The following TPGS2 variants were observed in gnomAD, a reference collection of about 807,000 sequenced individuals.
TPGS2 encodes the protein tubulin polyglutamylase complex subunit 2.
In TPGS2, 26 loss-of-function variants were observed where a neutral mutation model predicts 31.1. The observed-to-expected ratio is 0.84, with a 90% CI of 0.61 to 1.16. The LOEUF is 1.16. TPGS2 is among the 50% of genes most tolerant of loss of function. TPGS2 has a pLI of 0.00. For synonymous variants in TPGS2, 130 were observed against 136.6 expected (o/e 0.95, Z 0.34); for missense variants, 351 against 363.8 (o/e 0.96, Z 0.29).
At chr18:36,791,816 G>A (rs112916209), downstream of TPGS2, among the ~76,000 whole-genome samples, 752 of 152,178 alleles carry the variant, frequency 4.9e-3, 8 homozygotes, top group African/African-American at 0.017. Context: ...AGGATTGCTT[G>A]AGCCCAGGAA....
At chr18:36,806,474 C>G (rs116239334) in intron 3 of TPGS2, among the ~76,000 whole-genome samples, 1 of 152,258 alleles carries the variant, frequency 6.6e-6, no homozygotes, top group African/African-American at 2.4e-5. Flanking sequence ...GGTTCTGATG[C>G]TGGTGACAAG....
At chr18:36,791,968 C>T (rs1170436803), downstream of TPGS2, among the ~76,000 whole-genome samples, 1 of 147,414 alleles carries the variant, frequency 6.8e-6, no homozygotes, top group Non-Finnish European at 1.5e-5. Flanking sequence ...GTCAAGGCTG[C>T]AGTGAGCCAT....
At chr18:36,826,404 CTGTGTGTGTGTGTGTGTGTG>C (rs34742069) in intron 1 of TPGS2, among the ~76,000 whole-genome samples, 17,386 of 146,436 alleles carry the variant, frequency 0.12, 1,270 homozygotes, top group East Asian at 0.2. Flanking sequence ...GGTGTATAGG[CTGTGTGTGTGTGTGTGTGTG>C]TGTGTGTGTG....
At chr18:36,822,385 C>T (rs2045933893) in intron 1 of TPGS2, among the ~76,000 whole-genome samples, 1 of 152,174 alleles carries the variant, frequency 6.6e-6, no homozygotes, top group African/African-American at 2.4e-5. Context: ...ATAAATTATA[C>T]TTGGGACTAA....
At chr18:36,797,850 G>A (rs1291799309) in intron 6 of TPGS2, among the ~76,000 whole-genome samples, 1 of 151,876 alleles carries the variant, frequency 6.6e-6, no homozygotes, top group African/African-American at 2.4e-5. Flanking sequence ...ATATAAATGA[G>A]GCACACCCAC....
intron 1 of TPGS2, among the ~76,000 whole-genome samples, chr18:36,826,842 T>C (rs1337841828): frequency 6.6e-6 from 1 of 152,202 alleles, no homozygotes; most frequent in East Asian, 1.9e-4. Flanking sequence ...TTACATATGA[T>C]GTTAGATGTG....
chr18:36,812,220 T>C (rs1298986946), intron 2 of TPGS2, among the ~76,000 whole-genome samples: 1 of 152,194 alleles, frequency 6.6e-6, no homozygotes, highest in Admixed American at 6.5e-5. Context: ...CCTTGGAATC[T>C]CCAAAGTGAC....
chr18:36,802,116 G>C (rs2044846913), intron 4 of TPGS2, among the ~76,000 whole-genome samples: 1 of 152,170 alleles, frequency 6.6e-6, no homozygotes, highest in Non-Finnish European at 1.5e-5. Flanking sequence ...ATCAGTGCTT[G>C]AAAATCACTG....
downstream of TPGS2, among the ~76,000 whole-genome samples, chr18:36,782,625 T>C (rs905890456): frequency 6.6e-6 from 1 of 152,166 alleles, no homozygotes; most frequent in Non-Finnish European, 1.5e-5. Context: ...AGACTGAAGA[T>C]GATGTTTTTG....
At chr18:36,798,967 C>T (rs1036592076) in intron 5 of TPGS2, among the ~76,000 whole-genome samples, 2 of 152,158 alleles carry the variant, frequency 1.3e-5, no homozygotes, top group African/African-American at 2.4e-5. Context: ...TCTCAGCTTT[C>T]CTGAGAGAGA....
Position 36,794,518 on chromosome 18 carries a change from AGG to A in TPGS2, c.*2285_*2286del. On this transcript the variant is annotated 3_prime_UTR_variant, in exon 7 of 7. Coordinates refer to ENST00000334295, the MANE Select transcript of TPGS2 (RefSeq NM_015476.4). ...TCGGGGGATCTCCAAGTACTAAAAA[AGG>A]GGTATCTGCTGCAGTGGAAGATGAC... 1.0e-6 allele frequency: 1 copy of A among 985,440 alleles called. No homozygotes were observed. The highest frequency in any genetic ancestry group is 1.7e-5 in the African/African-American group (1 of 57,348). 61.0% of individuals were successfully genotyped at this position (985,440 alleles called of 1,614,324 possible).
Position 36,796,026 on chromosome 18 carries a change from AAAC to A in TPGS2, c.*776_*778del. The A allele has an allele frequency of 1.0e-6, 1 of 985,500 alleles. No individual in the cohort carries two copies. Among genetic ancestry groups the A allele is most frequent in the Non-Finnish European group, 1.2e-6 (1 of 829,944 alleles). The allele number at this position is 985,500 out of a possible 1,614,324, so 61.0% of individuals were successfully genotyped here. ...AGGAAGATAATTGTGGAACGTGTAC[AAAC>A]ATCATAACACAAAACTGGAAGCAAG... On this transcript the variant is annotated 3_prime_UTR_variant, in exon 7 of 7. Transcript: ENST00000334295.
At chr18:36,813,484 C>A (rs1243617871) in intron 2 of TPGS2, among the ~76,000 whole-genome samples, 1 of 152,184 alleles carries the variant, frequency 6.6e-6, no homozygotes, top group African/African-American at 2.4e-5. Context: ...TAAACTATGG[C>A]CACTGGATCC....
At chr18:36,803,751 C>T (rs72883576) in intron 4 of TPGS2, among the ~76,000 whole-genome samples, 18,392 of 152,104 alleles carry the variant, frequency 0.12, 1,379 homozygotes, top group Admixed American at 0.17. Flanking sequence ...ACATATACTC[C>T]TCTTCAATTC....
chr18:36,782,082 A>G (rs921692566), downstream of TPGS2, among the ~76,000 whole-genome samples: 7 of 152,242 alleles, frequency 4.6e-5, no homozygotes, highest in African/African-American at 1.7e-4. Context: ...TGAGATAATG[A>G]TGCACAGACA....
chr18:36,782,524 C>A (rs2044041029), downstream of TPGS2, among the ~76,000 whole-genome samples: 1 of 152,152 alleles, frequency 6.6e-6, no homozygotes, highest in Non-Finnish European at 1.5e-5. Context: ...TCATCTCCTT[C>A]CCCCCGATTC....
At chr18:36,800,409 A>T in intron 4 of TPGS2, 98 bp from the exon 5 acceptor site, 3 of 976,760 alleles carry the variant, frequency 3.1e-6, no homozygotes, top group Non-Finnish European at 4.9e-6. Flanking sequence ...AGAAGGAAAA[A>T]GCCTTATCTC....
chr18:36,796,556 G>C lies in TPGS2; in HGVS notation c.*249C>G. On this transcript the variant is annotated 3_prime_UTR_variant, in exon 7 of 7. Coordinates refer to ENST00000334295, the MANE Select transcript of TPGS2 (RefSeq NM_015476.4). ...GTGTTGAAGAAGAGGAAAGCACTCAGACTTATTTGGGCACTTACACAAGAT... is the reference window on the plus strand; with the variant it reads ...GTGTTGAAGAAGAGGAAAGCACTCACACTTATTTGGGCACTTACACAAGAT... 7.7e-7 allele frequency: 1 copy of C among 1,302,064 alleles called. No individual in the cohort carries two copies. The highest frequency in any genetic ancestry group is 9.7e-7 in the Non-Finnish European group (1 of 1,030,994). The allele number at this position is 1,302,064 out of a possible 1,614,324, so 80.7% of individuals were successfully genotyped here. A position where few individuals can be genotyped will look rare whatever the true frequency, so the allele number is the denominator to read the frequency against.
intron 5 of TPGS2, 75 bp downstream of exon 5, chr18:36,800,123 T>C (rs1044333269): frequency 7.3e-7 from 1 of 1,364,382 alleles, no homozygotes; most frequent in Admixed American, 1.7e-5. Context: ...ATGTGTCTCC[T>C]GAGCCATGGC....
Sources: allele counts gnomAD v4.1 joint callset (sites outside exome capture counted in the v4.1 genomes callset), GRCh38; gene constraint gnomAD v4.1.1; transcripts MANE v1.5; gene names NCBI Gene and HGNC (gene_info 2026-07-23, HGNC 2026-07-21).